C1orf162: variants seen among roughly 807,000 people sequenced by gnomAD.
C1orf162 encodes transmembrane protein C1orf162.
In C1orf162, 10 loss-of-function variants were observed where a neutral mutation model predicts 11.4. That is an observed-to-expected ratio of 0.88 (90% CI 0.54 to 1.48). The LOEUF (loss-of-function observed/expected upper bound fraction) is 1.48. Among genes scored for constraint, C1orf162 ranks in the 40% most tolerant of loss-of-function variants. C1orf162 has a pLI of 0.00. For synonymous variants in C1orf162, 53 were observed against 55.0 expected (o/e 0.96, Z 0.16); for missense variants, 140 against 149.5 (o/e 0.94, Z 0.33).
Position 111,478,246 on chromosome 1 carries a change from T to C in C1orf162, c.*123T>C. On this transcript the variant is annotated 3_prime_UTR_variant, in exon 6 of 6. Transcript: ENST00000369718. ...GTGTGAAACTGCAGTCGGAGTTGTTTAGATGTGATCTGGCAATGCTATCCA... is the reference window on the plus strand; with the variant it reads ...GTGTGAAACTGCAGTCGGAGTTGTTCAGATGTGATCTGGCAATGCTATCCA... 8.5e-7 allele frequency: 1 copy of C among 1,178,842 alleles called. No homozygotes were observed. The allele number at this position is 1,178,842 out of a possible 1,614,324, so 73.0% of individuals were successfully genotyped here.
intron 3 of C1orf162, 182 bp from the exon 4 acceptor site, chr1:111,477,152 C>T: frequency 1.5e-6 from 1 of 649,924 alleles, no homozygotes; most frequent in Non-Finnish European, 2.7e-6. Context: ...GCCACAGCTT[C>T]CTCTGAGGCC....
intron 2 of C1orf162, 137 bp downstream of exon 2, chr1:111,476,202 G>A (rs2101770829): frequency 5.7e-6 from 5 of 874,676 alleles, no homozygotes; most frequent in Middle Eastern, 2.5e-4. Flanking sequence ...CCAGGACACA[G>A]AATTTAATGC....
intron 3 of C1orf162, 63 bp downstream of exon 3, chr1:111,476,930 A>C: frequency 6.4e-7 from 1 of 1,559,052 alleles, no homozygotes; most frequent in Non-Finnish European, 8.9e-7. Flanking sequence ...TTGTGCTGAC[A>C]GCCTCGGCTT....
chr1:111,476,195 G>C (rs1282756513), intron 2 of C1orf162, 130 bp downstream of exon 2: 1 of 927,076 alleles, frequency 1.1e-6, no homozygotes, highest in East Asian at 2.6e-5. Context: ...AATTTTACCA[G>C]GACACAGAAT....
chr1:111,474,183 CTAT>C (rs749271931), intron 1 of C1orf162, among the ~76,000 whole-genome samples, 153 bp downstream of exon 1: 2 of 152,194 alleles, frequency 1.3e-5, no homozygotes, highest in Admixed American at 1.3e-4. Flanking sequence ...GGATTTTACG[CTAT>C]CAGTAAGATT....
rs1054248136 is a variant in C1orf162 at position 111,476,005 on chromosome 1, G to A, written c.-11-13G>A. 6.2e-7 allele frequency: 1 copy of A among 1,611,088 alleles called. No homozygotes were observed. Among genetic ancestry groups the A allele is most frequent in the Middle Eastern group, 1.7e-4 (1 of 6,050 alleles). ...TTCCAAGCTTTCTAAGAGATACCTTGTTTTATTCTCAGGGGATGACAGCAT... is the reference window on the plus strand; with the variant it reads ...TTCCAAGCTTTCTAAGAGATACCTTATTTTATTCTCAGGGGATGACAGCAT... On this transcript the variant is annotated splice_polypyrimidine_tract_variant and intron_variant, in intron 1 of 5. Coordinates refer to ENST00000369718, the MANE Select transcript of C1orf162 (RefSeq NM_001300834.2).
chr1:111,476,881 C>G lies in C1orf162; in HGVS notation c.107+14C>G, dbSNP rs1397406586. The G allele has an allele frequency of 1.9e-6, 3 of 1,611,366 alleles. No homozygotes were observed. Among genetic ancestry groups the G allele is most frequent in the Non-Finnish European group, 1.7e-6 (2 of 1,177,490 alleles). On this transcript the variant is annotated intron_variant, in intron 3 of 5. Coordinates refer to ENST00000369718, the MANE Select transcript of C1orf162 (RefSeq NM_001300834.2). The stretch of plus-strand genomic sequence containing the variant: ...TAACCACCACAAGTAAATGAGCATT[C>G]TCCTATCTGTTTCATCTTGTACCAC...
At chr1:111,476,298 G>A (rs927358965) in intron 2 of C1orf162, among the ~76,000 whole-genome samples, 4 of 152,118 alleles carry the variant, frequency 2.6e-5, no homozygotes, top group African/African-American at 9.7e-5. Flanking sequence ...ATCAAACTAG[G>A]TGGGTCCTGC....
At chr1:111,476,965 G>A (rs1005451168) in intron 3 of C1orf162, 98 bp downstream of exon 3, 1 of 1,286,984 alleles carries the variant, frequency 7.8e-7, no homozygotes, top group Non-Finnish European at 1.1e-6. Context: ...GGAGACTGGG[G>A]AGAAAGGACT....
intron 5 of C1orf162, 50 bp downstream of exon 5, chr1:111,477,825 A>T: frequency 6.2e-7 from 1 of 1,608,066 alleles, no homozygotes; most frequent in Non-Finnish European, 8.5e-7. Context: ...CCGTCATTGG[A>T]ATTCCCCTCC....
chr1:111,477,883 G>A (rs769978728), intron 5 of C1orf162, 100 bp from the exon 6 acceptor site: 37 of 1,595,888 alleles, frequency 2.3e-5, no homozygotes, highest in Non-Finnish European at 3.1e-5. Flanking sequence ...TCCAGACACT[G>A]GGCAAGTGAT....
Position 111,478,166 on chromosome 1 carries a change from C to T in C1orf162, c.*43C>T. 7 of 1,609,840 alleles carry T rather than the reference C, an allele frequency of 4.3e-6. No homozygotes were observed. The highest frequency in any genetic ancestry group is 5.9e-6 in the Non-Finnish European group (7 of 1,176,540). ...GGCTTGAATCCATTTCCTCTCATCT[C>T]AGCCCTATCTTCACACATCACTTTC... On this transcript the variant is annotated 3_prime_UTR_variant, in exon 6 of 6. Transcript: ENST00000369718.
rs1018453302 is a variant in C1orf162 at position 111,476,156 on chromosome 1, C to T, written c.37+91C>T. The T allele has an allele frequency of 2.5e-5, 31 of 1,249,218 alleles. No individual in the cohort carries two copies. In the African/African-American group the frequency reaches 2.8e-4, roughly 11 times the overall value. The allele number at this position is 1,249,218 out of a possible 1,614,324, so 77.4% of individuals were successfully genotyped here. The stretch of plus-strand genomic sequence containing the variant: ...AAGGGCTGTAATGGAAAGGCACTAG[C>T]TAGTGCATTTCTGAAACTGGAAGAA... On this transcript the variant is annotated intron_variant, in intron 2 of 5. Coordinates refer to ENST00000369718, the MANE Select transcript of C1orf162 (RefSeq NM_001300834.2).
intron 3 of C1orf162, 163 bp from the exon 4 acceptor site, chr1:111,477,171 A>T: frequency 1.5e-6 from 1 of 683,726 alleles, no homozygotes; most frequent in Admixed American, 2.6e-5. Flanking sequence ...CCTCAAATGG[A>T]TGTGAAACTC....
chr1:111,477,450 G>C (rs749645552), intron 4 of C1orf162, 22 bp downstream of exon 4: 1 of 1,577,230 alleles, frequency 6.3e-7, no homozygotes, highest in South Asian at 1.1e-5. Flanking sequence ...CCAAGGGATA[G>C]GACAGCCCTT....
At position 111,477,388 on chromosome 1, in the gene C1orf162, G is replaced by A. The variant is rs1176523331; in HGVS notation, c.162G>A (p.Leu54=). The change falls in exon 4 of 6, where the codon CTG becomes CTA. Residue 54 remains leucine, a synonymous_variant. Coordinates refer to ENST00000369718, the MANE Select transcript of C1orf162 (RefSeq NM_001300834.2). ...FCAGVLLTLL[L]IAFIFLIIKS... ...CTGGGGTTCTACTGACACTGCTGCT[G>A]ATAGCCTTTATCTTCCTCATCATAA... is the stretch of plus-strand genomic sequence containing the variant. 6.2e-7 allele frequency: 1 copy of A among 1,614,068 alleles called. No individual in the cohort carries two copies. The highest frequency in any genetic ancestry group is 1.1e-5 in the South Asian group (1 of 91,082).
At chr1:111,477,481 A>C (rs1159505619) in intron 4 of C1orf162, 53 bp downstream of exon 4, 11 of 1,547,918 alleles carry the variant, frequency 7.1e-6, no homozygotes, top group Non-Finnish European at 9.8e-6. Context: ...CATTGATACT[A>C]GAATTAGCTA....
intron 2 of C1orf162, 88 bp from the exon 3 acceptor site, chr1:111,476,710 G>C: frequency 7.7e-7 from 1 of 1,307,028 alleles, no homozygotes; most frequent in Non-Finnish European, 1.1e-6. Flanking sequence ...TGGTTGCTTG[G>C]GTAGAATGGG....
chr1:111,478,259 G>A lies in C1orf162; in HGVS notation c.*136G>A. ...GTCGGAGTTGTTTAGATGTGATCTG[G>A]CAATGCTATCCAGCATCTTTGGAGA... On this transcript the variant is annotated 3_prime_UTR_variant, in exon 6 of 6. Transcript: ENST00000369718. 3.0e-6 allele frequency: 3 copies of A among 1,016,370 alleles called. No individual in the cohort carries two copies. The highest frequency in any genetic ancestry group is 4.4e-6 in the Non-Finnish European group (3 of 679,720). The allele number at this position is 1,016,370 out of a possible 1,614,324, so 63.0% of individuals were successfully genotyped here. A position where few individuals can be genotyped will look rare whatever the true frequency, so the allele number is the denominator to read the frequency against.
Sources: allele counts gnomAD v4.1 joint callset (sites outside exome capture counted in the v4.1 genomes callset), GRCh38; gene constraint gnomAD v4.1.1; transcripts MANE v1.5; gene names NCBI Gene and HGNC (gene_info 2026-07-23, HGNC 2026-07-21).